RAPGEF2: variants seen among roughly 807,000 people sequenced by gnomAD.
RAPGEF2 encodes the protein Rap guanine nucleotide exchange factor 2.
RAPGEF2 carries 54 observed loss-of-function variants against 186.7 expected under a neutral mutation model. The ratio of observed to expected loss-of-function variants is 0.29; its 90% CI spans 0.23 to 0.36. The LOEUF (loss-of-function observed/expected upper bound fraction) is 0.36, where lower values mean the gene tolerates loss of function less well. RAPGEF2 is among the 10% of genes least tolerant of loss of function. The pLI, the probability that RAPGEF2 is intolerant of heterozygous loss-of-function variation, is 1.00. For synonymous variants in RAPGEF2, 712 were observed against 705.9 expected, an observed-to-expected ratio of 1.01 and a Z score of -0.14; for missense variants, 1,532 against 2,045.0, an observed-to-expected ratio of 0.75 and a Z score of 4.84.
intron 1 of RAPGEF2, among the ~76,000 whole-genome samples, chr4:159,125,002 G>C (rs747317748): frequency 9.9e-5 from 15 of 151,204 alleles, no homozygotes; most frequent in Non-Finnish European, 1.8e-4. Flanking sequence ...TAACTTTCTT[G>C]AAACTGTCTG....
chr4:159,283,358 G>A (rs1004943979), intron 7 of RAPGEF2, among the ~76,000 whole-genome samples: 2 of 151,360 alleles, frequency 1.3e-5, no homozygotes, highest in African/African-American at 2.5e-5. Flanking sequence ...ACTACATGTC[G>A]AAATGTCAAA....
chr4:159,351,017 T>A lies in RAPGEF2; in HGVS notation c.3865+728T>A, dbSNP rs1042237368. On this transcript the variant is annotated intron_variant, in intron 26 of 29. Transcript: ENST00000691494. Reference sequence around the variant, plus strand: ...TGGGTATCAGTCTCTCCTGTCCTTGTTACATGGATGCATCTCAATTCTTTT... The same window carrying A: ...TGGGTATCAGTCTCTCCTGTCCTTGATACATGGATGCATCTCAATTCTTTT... The A allele has an allele frequency of 4.7e-5, 70 of 1,498,910 alleles. No homozygotes were observed. In the African/African-American group the frequency reaches 9.4e-4, roughly 20 times the overall value. The allele number at this position is 1,498,910 out of a possible 1,614,324, so 92.9% of individuals were successfully genotyped here.
At chr4:159,355,424 C>T (rs992239933) in intron 28 of RAPGEF2, among the ~76,000 whole-genome samples, 2 of 152,092 alleles carry the variant, frequency 1.3e-5, no homozygotes, top group South Asian at 2.1e-4. Flanking sequence ...AGGGCAGATC[C>T]GGCAGGCAGA....
At chr4:159,310,897 G>C (rs1248120542) in intron 8 of RAPGEF2, among the ~76,000 whole-genome samples, 1 of 152,082 alleles carries the variant, frequency 6.6e-6, no homozygotes, top group Admixed American at 6.6e-5. Flanking sequence ...AAAACAATAA[G>C]TGTTATGTTC....
rs1754661473 is a variant in RAPGEF2, at chr4:159,246,702, AG to A, written c.543+2912del. The stretch of plus-strand genomic sequence containing the variant: ...TTTGACATTTAGGCTTTCTGACTTG[AG>A]TTATGTTCTTAAATAAGAAGTAGGC... On this transcript the variant is annotated intron_variant, in intron 7 of 29. Coordinates refer to ENST00000691494, the MANE Select transcript of RAPGEF2 (RefSeq NM_001394067.2). Among the ~76,000 whole-genome samples, 4 of 152,226 alleles carry A rather than the reference AG, an allele frequency of 2.6e-5. No individual in the cohort carries two copies. The South Asian group carries it at 8.3e-4, about 32-fold the overall frequency.
At chr4:159,338,544 ATCTC>A (rs77716000) in intron 18 of RAPGEF2, 76 bp downstream of exon 18, 5 of 1,363,684 alleles carry the variant, frequency 3.7e-6, no homozygotes, top group Non-Finnish European at 5.1e-6. Context: ...TATTATATGT[ATCTC>A]TCTTCATTTG....
intron 7 of RAPGEF2, among the ~76,000 whole-genome samples, chr4:159,256,302 T>C (rs1756156525): frequency 6.6e-6 from 1 of 152,200 alleles, no homozygotes; most frequent in Non-Finnish European, 1.5e-5. Flanking sequence ...ATGCAGTGTT[T>C]AGTTTTCTGT....
At chr4:159,167,249 A>G (rs1579354164) in intron 1 of RAPGEF2, among the ~76,000 whole-genome samples, 1 of 152,348 alleles carries the variant, frequency 6.6e-6, no homozygotes, top group East Asian at 1.9e-4. Context: ...AAATCTAAAC[A>G]TGTGGCCAGT....
intron 7 of RAPGEF2, among the ~76,000 whole-genome samples, chr4:159,302,432 T>A (rs1182268082): frequency 2.0e-5 from 3 of 152,236 alleles, no homozygotes; most frequent in Non-Finnish European, 4.4e-5. Context: ...TCTAATTACA[T>A]GTATTGATTG....
intron 3 of RAPGEF2, among the ~76,000 whole-genome samples, chr4:159,195,717 T>C (rs1199401259): frequency 1.3e-5 from 2 of 151,892 alleles, no homozygotes; most frequent in African/African-American, 2.4e-5. Flanking sequence ...CTTGTGTACA[T>C]GCTGGGGTAA....
intron 5 of RAPGEF2, 107 bp downstream of exon 5, chr4:159,238,991 T>A: frequency 3.1e-5 from 18 of 574,228 alleles, no homozygotes; most frequent in Non-Finnish European, 4.3e-5. Context: ...TAGAAAATAT[T>A]GTATATTTTC....
chr4:159,186,737 A>G (rs1433213200), intron 2 of RAPGEF2, 25 bp downstream of exon 2: 106 of 1,304,494 alleles, frequency 8.1e-5, no homozygotes, highest in Non-Finnish European at 1.1e-4. Context: ...TATTCAGTTA[A>G]TCATAGAATG....
chr4:159,342,528 TTTATTTTATTTTATTTTATTTTATA>T lies in RAPGEF2; in HGVS notation c.2919-426_2919-402del, dbSNP rs1197396697. 5.4e-3 allele frequency among the ~76,000 whole-genome samples: 537 copies of T among 99,504 alleles called. 14 individuals are homozygous for T. The highest frequency in any genetic ancestry group is 0.022 in the African/African-American group (503 of 22,360). The allele number at this position is 99,504 out of a possible 152,430, so 65.3% of individuals were successfully genotyped here. On this transcript the variant is annotated intron_variant, in intron 20 of 29. Coordinates refer to ENST00000691494, the MANE Select transcript of RAPGEF2 (RefSeq NM_001394067.2). ...TCATACTCTCATTACTATCATAGCT[TTTATTTTATTTTATTTTATTTTATA>T]TTATTTTATTTTATTTTATTTTATT...
chr4:159,133,054 A>G (rs1162878111), intron 1 of RAPGEF2, among the ~76,000 whole-genome samples: 1 of 152,114 alleles, frequency 6.6e-6, no homozygotes, highest in East Asian at 1.9e-4. Context: ...CAGATCCATA[A>G]AAACATATTT....
Position 159,358,324 on chromosome 4 carries a change from G to C in RAPGEF2, c.*185G>C, listed in dbSNP as rs1732342024. On this transcript the variant is annotated 3_prime_UTR_variant, in exon 30 of 30. Transcript: ENST00000691494. ...CTTTCCCCTTTGCATGTGAAATACT[G>C]TGAAGAAATTGCCCTGGCACTTTTC... The C allele has an allele frequency of 3.4e-6, 2 of 581,680 alleles. No individual in the cohort carries two copies. Among genetic ancestry groups the C allele is most frequent in the East Asian group, 2.9e-5 (1 of 34,344 alleles). The allele number at this position is 581,680 out of a possible 1,614,324, so 36.0% of individuals were successfully genotyped here. A position where few individuals can be genotyped will look rare whatever the true frequency, so the allele number is the denominator to read the frequency against.
chr4:159,146,613 G>A (rs531382507), intron 1 of RAPGEF2, among the ~76,000 whole-genome samples: 1 of 152,198 alleles, frequency 6.6e-6, no homozygotes, highest in Non-Finnish European at 1.5e-5. Flanking sequence ...ATATGATGCT[G>A]TCTGTATATG....
intron 4 of RAPGEF2, among the ~76,000 whole-genome samples, chr4:159,231,228 T>C (rs1263793133): frequency 6.6e-6 from 1 of 152,158 alleles, no homozygotes; most frequent in Non-Finnish European, 1.5e-5. Context: ...CCTAGGTTTA[T>C]AGTAGGCTAT....
Position 159,294,899 on chromosome 4 carries a change from G to A in RAPGEF2, c.544-9443G>A, listed in dbSNP as rs118047780. On this transcript the variant is annotated intron_variant, in intron 7 of 29. Transcript: ENST00000691494. ...GTAGAGACAGGGTTTCACCGTGTTC[G>A]TCAGGCTGGTCTCAAATGCCTAACC... 6.1e-3 allele frequency among the ~76,000 whole-genome samples: 929 copies of A among 152,210 alleles called. 57 individuals carry two copies. In the East Asian group the frequency reaches 0.15, roughly 24 times the overall value.
At position 159,341,941 on chromosome 4, in the gene RAPGEF2, T is replaced by A; in HGVS notation, c.2912T>A (p.Ile971Asn). Residue 971 changes from isoleucine to asparagine, a missense_variant, in exon 20 of 30, where the codon ATC (isoleucine) becomes AAC (asparagine). Ile to Asn is a moderately radical substitution (Grantham distance 149). This residue lies in a region of RAPGEF2 where 810 missense variants were observed against 1,210.5 expected (regional missense o/e 0.67). Coordinates refer to ENST00000691494, the MANE Select transcript of RAPGEF2 (RefSeq NM_001394067.2). ...AAGAATTTTAACTCAATGTTTGCAA[T>A]CATCAGGTAAGAGAGCACATTTTTT... ...ECKNFNSMFA[I>N]ISGLNLAPVA... 1 of 1,589,846 alleles carries A rather than the reference T, an allele frequency of 6.3e-7. No individual in the cohort carries two copies. The highest frequency in any genetic ancestry group is 8.5e-7 in the Non-Finnish European group (1 of 1,169,878).
Sources: gnomAD v4.1 joint callset for allele counts (sites outside exome capture counted in the v4.1 genomes callset) on GRCh38, gnomAD v4.1.1 for gene constraint, gnomAD v4.1.1 regional missense constraint, MANE v1.5 for transcripts, NCBI Gene and HGNC (gene_info 2026-07-23, HGNC 2026-07-21) for gene names.